CMTM4: variants seen among roughly 807,000 people sequenced by gnomAD.
CMTM4 encodes CKLF-like MARVEL transmembrane domain-containing protein 4.
CMTM4 carries 8 observed loss-of-function variants against 19.0 expected under a neutral mutation model. The observed-to-expected ratio is 0.42, with a 90% CI of 0.25 to 0.76. The LOEUF (loss-of-function observed/expected upper bound fraction) is 0.76. CMTM4 is among the 30% of genes least tolerant of loss of function. The probability of loss-of-function intolerance (pLI) is 0.27; values close to 1 mark genes in which losing one functional copy is unlikely to be tolerated. For synonymous variants in CMTM4, 106 were observed against 121.1 expected (o/e 0.88, Z 0.82); for missense variants, 228 against 290.2 (o/e 0.79, Z 1.56).
chr16:66,659,169 C>A (rs1488074400), intron 1 of CMTM4, among the ~76,000 whole-genome samples: 1 of 152,014 alleles, frequency 6.6e-6, no homozygotes, highest in Non-Finnish European at 1.5e-5. Context: ...CACTTGAGGT[C>A]AGGAGTTTGA....
At chr16:66,632,187 GAC>G (rs750279806) in intron 2 of CMTM4, among the ~76,000 whole-genome samples, 40 of 152,192 alleles carry the variant, frequency 2.6e-4, no homozygotes, top group Non-Finnish European at 4.6e-4. Context: ...TGGCAGGAAG[GAC>G]AGAGTGCCCC....
chr16:66,604,887 C>T, the CMTM4 span: 4 of 1,435,476 alleles, frequency 2.8e-6, no homozygotes, highest in Non-Finnish European at 3.6e-6. Context: ...CCCCGGGCTC[C>T]GCGCCCTGCT....
chr16:66,645,005 C>T (rs2016165087), intron 1 of CMTM4, among the ~76,000 whole-genome samples: 3 of 152,190 alleles, frequency 2.0e-5, no homozygotes, highest in Non-Finnish European at 2.9e-5. Flanking sequence ...CAAAATTGGC[C>T]GGGCACGGTG....
At chr16:66,694,799 C>G (rs994972031) in intron 1 of CMTM4, among the ~76,000 whole-genome samples, 28 of 151,280 alleles carry the variant, frequency 1.9e-4, no homozygotes, top group African/African-American at 6.8e-4. Flanking sequence ...AAACTAAAAA[C>G]CAATGCATCT....
In CMTM4 at chr16:66,696,403, G is replaced by A. The variant is rs2017237448; in HGVS notation, c.123C>T (p.Ala41=). The stretch of plus-strand genomic sequence containing the variant: ...GGTAGTCGGGGTCGCAGCGCAGGCC[G>A]GCCAGCCCGCGGCGCTGGCTCACCG... ...TEPVSQRRGL[A]GLRCDPDYLR... is the part of the protein sequence containing the mutation. The change falls in exon 1 of 4, where the codon GCC becomes GCT. Residue 41 remains alanine, a synonymous_variant. Transcript: ENST00000394106. The surrounding 1 kb of genome is among the most constrained non-coding windows in gnomAD (Gnocchi z 4.3). 3.5e-6 allele frequency: 5 copies of A among 1,411,282 alleles called. No individual in the cohort carries two copies. The highest frequency in any genetic ancestry group is 1.5e-5 in the African/African-American group (1 of 66,314). The allele number at this position is 1,411,282 out of a possible 1,614,324, so 87.4% of individuals were successfully genotyped here. A position where few individuals can be genotyped will look rare whatever the true frequency, so the allele number is the denominator to read the frequency against.
chr16:66,621,614 G>A lies in CMTM4; in HGVS notation c.*444C>T, dbSNP rs963561368. 124 of 994,708 alleles carry A rather than the reference G, an allele frequency of 1.2e-4. No homozygotes were observed. Among genetic ancestry groups the A allele is most frequent in the East Asian group, 4.2e-4 (4 of 9,478 alleles). 61.6% of individuals were successfully genotyped at this position (994,708 alleles called of 1,614,324 possible). A position where few individuals can be genotyped will look rare whatever the true frequency, so the allele number is the denominator to read the frequency against. ...TGAGGAGTGGGCTGGATCCCAGCAC[G>A]CAGACTCAACACTGACTTGGAGCAG... is the stretch of plus-strand genomic sequence containing the variant. On this transcript the variant is annotated 3_prime_UTR_variant, in exon 4 of 4. Coordinates refer to ENST00000394106, the MANE Select transcript of CMTM4 (RefSeq NM_181521.3).
At chr16:66,644,855 C>G (rs1399342870) in intron 1 of CMTM4, among the ~76,000 whole-genome samples, 2 of 152,194 alleles carry the variant, frequency 1.3e-5, no homozygotes, top group African/African-American at 4.8e-5. Flanking sequence ...ACTGAGGTAC[C>G]CTTTTCATCT....
In CMTM4 at chr16:66,622,025, G is replaced by A. The variant is rs1237655499; in HGVS notation, c.*33C>T. On this transcript the variant is annotated 3_prime_UTR_variant, in exon 4 of 4. Transcript: ENST00000394106. This position sits in a 1 kb window ranked among gnomAD's most constrained non-coding sequence, Gnocchi z 4.0. Reference sequence around the variant, plus strand: ...GAAAACTTGACTGAGAGACAGGCACGAGGACGGGAGGGAGGAGGATCCAGG... The same window carrying A: ...GAAAACTTGACTGAGAGACAGGCACAAGGACGGGAGGGAGGAGGATCCAGG... The A allele has an allele frequency of 1.9e-5, 29 of 1,536,842 alleles. No individual in the cohort carries two copies. The highest frequency in any genetic ancestry group is 1.7e-4 in the Middle Eastern group (1 of 5,882).
chr16:66,683,526 C>T (rs2016979951), intron 1 of CMTM4, among the ~76,000 whole-genome samples: 1 of 151,500 alleles, frequency 6.6e-6, no homozygotes, highest in African/African-American at 2.4e-5. Flanking sequence ...CTCCTGACCT[C>T]GTGATCCGCC....
At chr16:66,635,016 C>G (rs529831084) in intron 2 of CMTM4, among the ~76,000 whole-genome samples, 1 of 152,190 alleles carries the variant, frequency 6.6e-6, no homozygotes, top group Non-Finnish European at 1.5e-5. Flanking sequence ...ATTGACAGGC[C>G]TCAGGAACAC....
intron 1 of CMTM4, among the ~76,000 whole-genome samples, chr16:66,667,621 G>A (rs2016622475): frequency 1.3e-5 from 2 of 152,184 alleles, no homozygotes; most frequent in Non-Finnish European, 1.5e-5. Context: ...CGAGTGCGGT[G>A]GCTCATGCCT....
downstream of CMTM4, chr16:66,613,297 A>T (rs1393343254): frequency 9.9e-6 from 6 of 605,606 alleles, no homozygotes; most frequent in Admixed American, 2.8e-5. Flanking sequence ...TGGGTCTAAG[A>T]CTGTTTCAAA....
chr16:66,642,179 T>C (rs766296617), intron 1 of CMTM4, among the ~76,000 whole-genome samples: 1 of 152,102 alleles, frequency 6.6e-6, no homozygotes, highest in Non-Finnish European at 1.5e-5. Context: ...CAAGAAGGGC[T>C]CAGATAAAGT....
At chr16:66,675,336 C>T (rs1022197780) in intron 1 of CMTM4, among the ~76,000 whole-genome samples, 1 of 151,984 alleles carries the variant, frequency 6.6e-6, no homozygotes, top group Non-Finnish European at 1.5e-5. Context: ...CCTCTTCGGG[C>T]CTCCCAAAGT....
At chr16:66,653,875 G>C (rs2016354000) in intron 1 of CMTM4, among the ~76,000 whole-genome samples, 1 of 152,040 alleles carries the variant, frequency 6.6e-6, no homozygotes, top group African/African-American at 2.4e-5. Flanking sequence ...GCTGGGATTA[G>C]AAGCGTGTGC....
chr16:66,612,688 C>T (rs3743719), downstream of CMTM4: 714,364 of 1,586,790 alleles, frequency 0.45, 162,825 homozygotes, highest in Middle Eastern at 0.54. This position sits in a 1 kb window ranked among gnomAD's most constrained non-coding sequence, Gnocchi z 6.0. Flanking sequence ...TCCACCCCTG[C>T]GCCTCACAGG....
chr16:66,651,561 C>T (rs150657982), intron 1 of CMTM4, among the ~76,000 whole-genome samples: 1 of 152,278 alleles, frequency 6.6e-6, no homozygotes, highest in Non-Finnish European at 1.5e-5. Flanking sequence ...TCCTCCCCTA[C>T]CTCATTCTCC....
In CMTM4 at chr16:66,620,691, C is replaced by G. The variant is rs1167422350; in HGVS notation, c.*1367G>C. 2.0e-6 allele frequency: 2 copies of G among 985,658 alleles called. No individual in the cohort carries two copies. The allele number at this position is 985,658 out of a possible 1,614,324, so 61.1% of individuals were successfully genotyped here. On this transcript the variant is annotated 3_prime_UTR_variant, in exon 4 of 4. Transcript: ENST00000394106. The stretch of plus-strand genomic sequence containing the variant: ...ATGTTACTGCAAAATCTTCCTGCCA[C>G]AGTAAGTGCTTTTTGGTGAGGGCTA...
At chr16:66,635,448 G>C (rs182079246) in intron 2 of CMTM4, among the ~76,000 whole-genome samples, 24 of 152,300 alleles carry the variant, frequency 1.6e-4, no homozygotes, top group Non-Finnish European at 2.9e-4. Flanking sequence ...GGCACACCAG[G>C]AGAGCAGCCC....
Sources: gnomAD v4.1 joint callset for allele counts (sites outside exome capture counted in the v4.1 genomes callset) on GRCh38, gnomAD v4.1.1 for gene constraint, Gnocchi (gnomAD v3.1) non-coding constraint, MANE v1.5 for transcripts, NCBI Gene and HGNC (gene_info 2026-07-23, HGNC 2026-07-21) for gene names.